Variants in LINGO2 observed in about 807,000 individuals in gnomAD.
LINGO2 encodes leucine rich repeat and Ig domain containing 2.
LINGO2 carries 14 observed loss-of-function variants against 30.6 expected under a neutral mutation model. The ratio of observed to expected loss-of-function variants is 0.46; its 90% CI spans 0.30 to 0.72. LINGO2 has a LOEUF of 0.72. LINGO2 is among the 30% of genes least tolerant of loss of function. The probability of loss-of-function intolerance (pLI) is 0.07; values close to 1 mark genes in which losing one functional copy is unlikely to be tolerated. For synonymous variants in LINGO2, 317 were observed against 288.5 expected, an observed-to-expected ratio of 1.10 and a Z score of -1.00; for missense variants, 729 against 751.7, an observed-to-expected ratio of 0.97 and a Z score of 0.35.
At chr9:28,709,839 A>C in the LINGO2 span, among the ~76,000 whole-genome samples, 1 of 151,974 alleles carries the variant, frequency 6.6e-6, no homozygotes, top group African/African-American at 2.4e-5. Context: ...CTATTTAATA[A>C]ATGTCAATTA....
At chr9:29,181,783 CCT>C in the LINGO2 span, among the ~76,000 whole-genome samples, 7,290 of 152,060 alleles carry the variant, frequency 0.048, 553 homozygotes, top group African/African-American at 0.17. Context: ...ACAAACAGCC[CCT>C]GTCTTGAATT....
At chr9:29,001,339 G>T in the LINGO2 span, among the ~76,000 whole-genome samples, 1 of 151,738 alleles carries the variant, frequency 6.6e-6, no homozygotes, top group East Asian at 1.9e-4. Context: ...TACAATTTTT[G>T]GTAGTTTATG....
chr9:29,040,826 T>A, the LINGO2 span, among the ~76,000 whole-genome samples: 3 of 151,986 alleles, frequency 2.0e-5, no homozygotes, highest in Non-Finnish European at 2.9e-5. Flanking sequence ...AATAGAGCCA[T>A]ATGGGTAATC....
intron 3 of LINGO2, among the ~76,000 whole-genome samples, chr9:28,343,004 G>C (rs1186667505): frequency 6.6e-6 from 1 of 152,128 alleles, no homozygotes; most frequent in African/African-American, 2.4e-5. Context: ...TGATTTCTAA[G>C]GGATTGCAAA....
intron 1 of LINGO2, among the ~76,000 whole-genome samples, chr9:28,528,679 G>C (rs867387461): frequency 6.6e-6 from 1 of 152,014 alleles, no homozygotes. Context: ...CTCTACAAGA[G>C]ATACTAAAAT....
chr9:28,383,253 A>AG (rs1821425181), intron 2 of LINGO2, among the ~76,000 whole-genome samples: 1 of 19,854 alleles, frequency 5.0e-5, no homozygotes, highest in African/African-American at 1.0e-4. Flanking sequence ...ATCACCATTC[A>AG]TTGTGTGTGT....
At chr9:28,595,752 C>G (rs1441276398) in intron 1 of LINGO2, among the ~76,000 whole-genome samples, 1 of 152,024 alleles carries the variant, frequency 6.6e-6, no homozygotes, top group Non-Finnish European at 1.5e-5. Context: ...GAGGCAGAAA[C>G]TAGGAAAGTA....
At position 28,329,785 on chromosome 9, in the gene LINGO2, C is replaced by G. The variant is rs1318241570; in HGVS notation, c.-245-34419G>C. 1.3e-5 allele frequency among the ~76,000 whole-genome samples: 2 copies of G among 152,082 alleles called. No homozygotes were observed. Among genetic ancestry groups the G allele is most frequent in the Non-Finnish European group, 2.9e-5 (2 of 68,016 alleles). Reference sequence around the variant, plus strand: ...TCCATGCAGACCATCCTGACCCCACCCTGAATTAGATAGCCATCCTCTGGG... The same window carrying G: ...TCCATGCAGACCATCCTGACCCCACGCTGAATTAGATAGCCATCCTCTGGG... On this transcript the variant is annotated intron_variant, in intron 3 of 5. Coordinates refer to ENST00000379992, the Ensembl canonical transcript of LINGO2. This position sits in a 1 kb window ranked among gnomAD's most constrained non-coding sequence, Gnocchi z 4.5.
intron 1 of LINGO2, among the ~76,000 whole-genome samples, chr9:28,543,386 T>C (rs575419343): frequency 2.0e-4 from 31 of 152,248 alleles, no homozygotes; most frequent in African/African-American, 7.5e-4. Context: ...TAAAATATTT[T>C]ATTCATAATT....
intron 4 of LINGO2, among the ~76,000 whole-genome samples, chr9:28,018,461 A>C (rs1822950598): frequency 2.0e-5 from 3 of 152,184 alleles, no homozygotes; most frequent in Non-Finnish European, 4.4e-5. Context: ...GCATCCAACA[A>C]AGGTCTAATA....
intron 4 of LINGO2, among the ~76,000 whole-genome samples, chr9:28,055,734 C>T (rs1465960884): frequency 6.6e-6 from 1 of 152,168 alleles, no homozygotes; most frequent in Admixed American, 6.6e-5. Context: ...GATATGTACT[C>T]AAAGACAAGT....
chr9:28,183,365 T>G (rs1015099088), intron 4 of LINGO2, among the ~76,000 whole-genome samples: 5 of 152,098 alleles, frequency 3.3e-5, no homozygotes, highest in Admixed American at 6.6e-5. Flanking sequence ...CAAACCACCA[T>G]GGCACAGGTA....
the LINGO2 span, among the ~76,000 whole-genome samples, chr9:29,160,963 G>A: frequency 6.6e-6 from 1 of 152,238 alleles, no homozygotes; most frequent in Non-Finnish European, 1.5e-5. Flanking sequence ...CTGATGTTGT[G>A]CACAGGGCTC....
intron 4 of LINGO2, among the ~76,000 whole-genome samples, chr9:28,074,302 T>C (rs1191909251): frequency 6.6e-6 from 1 of 152,202 alleles, no homozygotes; most frequent in African/African-American, 2.4e-5. Flanking sequence ...TAGCAGCTAA[T>C]ATCTCTGTAA....
chr9:28,965,176 C>G, the LINGO2 span, among the ~76,000 whole-genome samples: 1 of 151,834 alleles, frequency 6.6e-6, no homozygotes, highest in Non-Finnish European at 1.5e-5. Context: ...TACAACAATT[C>G]TTAGGATAGA....
intron 4 of LINGO2, among the ~76,000 whole-genome samples, chr9:28,178,335 T>G (rs931783144): frequency 1.3e-5 from 2 of 152,180 alleles, no homozygotes; most frequent in Non-Finnish European, 2.9e-5. Context: ...AACCGTAGTT[T>G]ACAATCTCAG....
At chr9:28,286,953 A>G (rs1045447714) in intron 4 of LINGO2, among the ~76,000 whole-genome samples, 18 of 152,258 alleles carry the variant, frequency 1.2e-4, no homozygotes, top group African/African-American at 4.3e-4. Context: ...GTACCCCTGA[A>G]CTTAAAAGTT....
At chr9:28,818,489 A>G in the LINGO2 span, among the ~76,000 whole-genome samples, 1 of 152,122 alleles carries the variant, frequency 6.6e-6, no homozygotes, top group South Asian at 2.1e-4. Flanking sequence ...GGTTCAAGCA[A>G]TTCTCCTGCC....
intron 2 of LINGO2, among the ~76,000 whole-genome samples, chr9:28,415,207 A>T (rs1462623620): frequency 6.6e-6 from 1 of 152,092 alleles, no homozygotes; most frequent in Admixed American, 6.6e-5. Context: ...TAGTTAAAAA[A>T]AGTTCACTCC....
Sources: gnomAD v4.1 joint callset for allele counts (sites outside exome capture counted in the v4.1 genomes callset) on GRCh38, gnomAD v4.1.1 for gene constraint, Gnocchi (gnomAD v3.1) non-coding constraint, MANE v1.5 for transcripts, NCBI Gene and HGNC (gene_info 2026-07-23, HGNC 2026-07-21) for gene names.